The following ROBO2 variants were observed in gnomAD, a reference collection of about 807,000 sequenced individuals.
ROBO2 encodes roundabout homolog 2.
A neutral mutation model predicts 160.8 loss-of-function variants in ROBO2; 53 were observed. The observed-to-expected ratio is 0.33, with a 90% CI of 0.26 to 0.41. ROBO2 has a LOEUF of 0.41. ROBO2 is among the 10% of genes least tolerant of loss of function. The pLI is 1.00. For missense variants in ROBO2, 1,577 were observed against 1,722.4 expected (o/e 0.92, Z 1.49); for synonymous variants, 664 against 611.7 (o/e 1.09, Z -1.26).
At chr3:76,014,319 C>T (rs2066326209) in intron 2 of ROBO2, among the ~76,000 whole-genome samples, 1 of 142,614 alleles carries the variant, frequency 7.0e-6, no homozygotes, top group Admixed American at 7.0e-5. Context: ...TGCGTGTAAT[C>T]CCAGAAGTAA....
rs191798993 is a variant in ROBO2 at position 76,990,147 on chromosome 3, T to G, written c.110-107867T>G. Reference sequence around the variant, plus strand: ...AAATGAAAAACTAAAATGCAGAATTTTAGGGTAGCTATTACAAACTCAGTG... The same window carrying G: ...AAATGAAAAACTAAAATGCAGAATTGTAGGGTAGCTATTACAAACTCAGTG... On this transcript the variant is annotated intron_variant, in intron 2 of 26. Coordinates refer to the ROBO2 transcript ENST00000487694. Among the ~76,000 whole-genome samples, 912 of 152,276 alleles carry G rather than the reference T, an allele frequency of 6.0e-3. 12 individuals carry two copies. Among genetic ancestry groups the G allele is most frequent in the African/African-American group, 0.021 (869 of 41,554 alleles).
At chr3:76,635,353 ACT>A (rs1384302368) in intron 2 of ROBO2, among the ~76,000 whole-genome samples, 1 of 151,966 alleles carries the variant, frequency 6.6e-6, no homozygotes, top group Admixed American at 6.6e-5. Context: ...GTTGCATAAA[ACT>A]CACAACTTCT....
chr3:77,364,946 A>G (rs191535297), intron 2 of ROBO2, among the ~76,000 whole-genome samples: 146 of 152,136 alleles, frequency 9.6e-4, no homozygotes, highest in African/African-American at 3.3e-3. Flanking sequence ...GGAGTTCGAG[A>G]CCAGCCTGGC....
chr3:76,182,570 C>T (rs534466149), intron 2 of ROBO2, among the ~76,000 whole-genome samples: 1 of 152,170 alleles, frequency 6.6e-6, no homozygotes, highest in Non-Finnish European at 1.5e-5. Context: ...TTCTAAATCT[C>T]TATAGGAGCA....
At chr3:77,440,168 T>C (rs2079764596) in intron 2 of ROBO2, among the ~76,000 whole-genome samples, 1 of 152,172 alleles carries the variant, frequency 6.6e-6, no homozygotes, top group Non-Finnish European at 1.5e-5. Flanking sequence ...AAGATGACCA[T>C]TACTATTCCC....
At chr3:75,938,106 T>C (rs115111215) in intron 2 of ROBO2, among the ~76,000 whole-genome samples, 1 of 151,838 alleles carries the variant, frequency 6.6e-6, no homozygotes, top group African/African-American at 2.4e-5. Context: ...AAATGAAAAA[T>C]GTGATGTTTC....
At chr3:77,626,690 G>A (rs1488492701) in intron 23 of ROBO2, among the ~76,000 whole-genome samples, 1 of 152,164 alleles carries the variant, frequency 6.6e-6, no homozygotes, top group African/African-American at 2.4e-5. Flanking sequence ...AGGAGAGAGT[G>A]CAGGGGGAAA....
intron 2 of ROBO2, among the ~76,000 whole-genome samples, chr3:76,371,838 G>T (rs1309375711): frequency 1.3e-5 from 2 of 151,814 alleles, no homozygotes; most frequent in Non-Finnish European, 2.9e-5. Flanking sequence ...ATCACACCAC[G>T]AAGATTCCCT....
Position 76,388,515 on chromosome 3 carries a change from C to T in ROBO2, c.109+450913C>T, listed in dbSNP as rs563164980. Among the ~76,000 whole-genome samples, 26 of 152,224 alleles carry T rather than the reference C, an allele frequency of 1.7e-4. No individual in the cohort carries two copies. In the East Asian group the frequency reaches 4.6e-3, roughly 27 times the overall value. ...CTCCATCTCCTGACCTCGCGATCCGCCCACCTCAGCCTCTCAAAGTGCTGG... is the reference window on the plus strand; with the variant it reads ...CTCCATCTCCTGACCTCGCGATCCGTCCACCTCAGCCTCTCAAAGTGCTGG... On this transcript the variant is annotated intron_variant, in intron 2 of 26. Transcript: ENST00000487694.
At chr3:77,338,376 T>A (rs565137060) in intron 2 of ROBO2, among the ~76,000 whole-genome samples, 1 of 152,206 alleles carries the variant, frequency 6.6e-6, no homozygotes, top group African/African-American at 2.4e-5. Context: ...GTTCAGGAGA[T>A]CTCAGACAGG....
intron 2 of ROBO2, among the ~76,000 whole-genome samples, chr3:76,998,992 A>G (rs72902065): frequency 5.3e-5 from 8 of 152,262 alleles, no homozygotes; most frequent in African/African-American, 1.9e-4. Flanking sequence ...ATTAATATTT[A>G]TATACAAAAT....
chr3:77,293,190 G>T (rs2061533274), intron 2 of ROBO2, among the ~76,000 whole-genome samples: 2 of 148,178 alleles, frequency 1.3e-5, no homozygotes, highest in African/African-American at 5.0e-5. Flanking sequence ...AAGACATAAA[G>T]TAAAATTGAC....
intron 2 of ROBO2, among the ~76,000 whole-genome samples, chr3:77,416,472 A>G (rs1428976138): frequency 2.0e-5 from 3 of 152,048 alleles, no homozygotes; most frequent in Non-Finnish European, 4.4e-5. Context: ...TAATCCCAGC[A>G]CTTTAGGAGA....
intron 2 of ROBO2, among the ~76,000 whole-genome samples, chr3:76,848,018 A>G (rs1158455075): frequency 6.6e-6 from 1 of 152,172 alleles, no homozygotes; most frequent in East Asian, 1.9e-4. Flanking sequence ...TTGCAATAAA[A>G]AATCTCAGTC....
intron 2 of ROBO2, among the ~76,000 whole-genome samples, chr3:76,651,796 C>T (rs577188642): frequency 6.6e-6 from 1 of 152,232 alleles, no homozygotes; most frequent in South Asian, 2.1e-4. Flanking sequence ...TTCTGTGTGG[C>T]TTCTAGCTAC....
At chr3:76,674,869 A>G (rs1273378156) in intron 2 of ROBO2, among the ~76,000 whole-genome samples, 2 of 152,018 alleles carry the variant, frequency 1.3e-5, no homozygotes, top group Non-Finnish European at 2.9e-5. Flanking sequence ...ATCAAACTCC[A>G]CCATGTGGCG....
intron 2 of ROBO2, among the ~76,000 whole-genome samples, chr3:76,619,306 C>T (rs2088867097): frequency 1.3e-5 from 2 of 149,868 alleles, no homozygotes; most frequent in South Asian, 2.1e-4. Flanking sequence ...CGCCACTGCA[C>T]TCCAGCCTGG....
At chr3:77,428,491 G>C (rs1200191671) in intron 2 of ROBO2, among the ~76,000 whole-genome samples, 1 of 150,550 alleles carries the variant, frequency 6.6e-6, no homozygotes, top group African/African-American at 2.4e-5. Flanking sequence ...CGAGTAGCTG[G>C]GACTACAGGC....
intron 2 of ROBO2, among the ~76,000 whole-genome samples, chr3:77,386,318 T>C (rs1405199964): frequency 6.6e-6 from 1 of 152,162 alleles, no homozygotes; most frequent in Non-Finnish European, 1.5e-5. Context: ...TCTTCAGGAC[T>C]AAAGTAAATT....
Sources: allele counts gnomAD v4.1 joint callset (sites outside exome capture counted in the v4.1 genomes callset), GRCh38; gene constraint gnomAD v4.1.1; transcripts MANE v1.5; gene names NCBI Gene and HGNC (gene_info 2026-07-23, HGNC 2026-07-21).